MNT: variants seen among roughly 807,000 people sequenced by gnomAD.
MNT encodes max-binding protein MNT.
MNT carries 13 observed loss-of-function variants against 40.7 expected under a neutral mutation model. The ratio of observed to expected loss-of-function variants is 0.32; its 90% CI spans 0.21 to 0.51. The LOEUF (loss-of-function observed/expected upper bound fraction) is 0.51, where lower values mean the gene tolerates loss of function less well. Ranked by LOEUF, MNT falls within the 20% of genes least tolerant of loss-of-function variation. The pLI, the probability that MNT is intolerant of heterozygous loss-of-function variation, is 0.98. For synonymous variants in MNT, 426 were observed against 354.8 expected, an observed-to-expected ratio of 1.20 and a Z score of -2.26; for missense variants, 757 against 792.0, an observed-to-expected ratio of 0.96 and a Z score of 0.53.
At chr17:2,397,839 T>A (rs890476906) in intron 1 of MNT, among the ~76,000 whole-genome samples, 22 of 152,116 alleles carry the variant, frequency 1.4e-4, no homozygotes, top group African/African-American at 5.3e-4. Context: ...CTTAGGCTCT[T>A]TAAAAGAATG....
In MNT at chr17:2,387,466, T is replaced by C; in HGVS notation, c.1184A>G (p.His395Arg). 6.2e-7 allele frequency: 1 copy of C among 1,603,164 alleles called. No individual in the cohort carries two copies. The highest frequency in any genetic ancestry group is 8.5e-7 in the Non-Finnish European group (1 of 1,176,002). Residue 395 changes from histidine to arginine, a missense_variant, in exon 6 of 6, where the codon CAC becomes CGC. This residue lies in a region of MNT where 345 missense variants were observed against 380.1 expected (regional missense o/e 0.91). Transcript: ENST00000174618. Reference protein sequence around the residue: ...HPHSVALPPAHLPVQQQQPQQ... With the variant: ...HPHSVALPPARLPVQQQQPQQ... ...TGGCTGCTGCTGCTGCACGGGGAGG[T>C]GGGCAGGAGGTAGGGCCACGGAGTG... is the stretch of plus-strand genomic sequence containing the variant.
In MNT at chr17:2,395,334, A is replaced by C. The variant is rs2151671168; in HGVS notation, c.194T>G (p.Leu65Arg). 6.2e-7 allele frequency: 1 copy of C among 1,611,376 alleles called. No individual in the cohort carries two copies. The highest frequency in any genetic ancestry group is 8.5e-7 in the Non-Finnish European group (1 of 1,179,208). The stretch of plus-strand genomic sequence containing the variant: ...CGGGGGAGCCGGTGGAGACAGAGGC[A>C]GGGGTGGCGCCTCCATGCGGGGTTC... ...VEEPRMEAPP[L>R]PLSPPAPPPA... The change falls in exon 2 of 6, where the codon CTG (leucine) becomes CGG (arginine). Residue 65 changes from leucine to arginine, a missense_variant. By Grantham distance (102) the Leu-to-Arg change is moderately radical. Around this residue, in one of 4 missense-constraint regions of MNT, gnomAD observed 335 missense variants for 291.4 expected, o/e 1.15. Coordinates refer to ENST00000174618, the MANE Select transcript of MNT (RefSeq NM_020310.3).
Position 2,394,925 on chromosome 17 carries a change from C to T in MNT, c.603G>A (p.Leu201=), listed in dbSNP as rs2066562746. ...PPPPTLGTLK[L]APAEEVKSSE... ...TGGATTTGACTTCTTCAGCTGGTGCCAACTTCAGGGTCCCCAGCGTGGGTG... is the reference window on the plus strand; with the variant it reads ...TGGATTTGACTTCTTCAGCTGGTGCTAACTTCAGGGTCCCCAGCGTGGGTG... Residue 201 remains leucine (L), a synonymous_variant, in exon 2 of 6, where the codon TTG becomes TTA. Coordinates refer to ENST00000174618, the MANE Select transcript of MNT (RefSeq NM_020310.3). 1.9e-6 allele frequency: 3 copies of T among 1,606,988 alleles called. No individual in the cohort carries two copies. The highest frequency in any genetic ancestry group is 1.7e-6 in the Non-Finnish European group (2 of 1,177,238).
Position 2,394,307 on chromosome 17 carries a change from GTTC to G in MNT, c.690_692del (p.Lys230del), listed in dbSNP as rs2066557749. 2.1e-6 allele frequency: 3 copies of G among 1,401,518 alleles called. No homozygotes were observed. The highest frequency in any genetic ancestry group is 2.5e-5 in the East Asian group (1 of 39,346). The allele number at this position is 1,401,518 out of a possible 1,614,324, so 86.8% of individuals were successfully genotyped here. A position where few individuals can be genotyped will look rare whatever the true frequency, so the allele number is the denominator to read the frequency against. On this transcript the variant is annotated inframe_deletion, in exon 3 of 6. Transcript: ENST00000174618. ...CACACACACACACACACACACACCT[GTTC>G]TTCTCCAATTTGTTGTGGACTTCTC...
chr17:2,390,019 A>C (rs2066500284), intron 4 of MNT: 2 of 152,136 alleles, frequency 1.3e-5, no homozygotes, highest in Admixed American at 1.3e-4. Flanking sequence ...CGAGGCTGAA[A>C]GATAGGACTT....
intron 1 of MNT, 38 bp downstream of exon 1, chr17:2,400,602 C>A: frequency 1.3e-6 from 2 of 1,560,416 alleles, no homozygotes; most frequent in Non-Finnish European, 8.6e-7. Context: ...CTCGCTTCCC[C>A]TTCCCCAGTG....
At chr17:2,398,817 C>A (rs1017883197) in intron 1 of MNT, among the ~76,000 whole-genome samples, 2 of 152,202 alleles carry the variant, frequency 1.3e-5, no homozygotes, top group African/African-American at 4.8e-5. Flanking sequence ...CTCTCCACTG[C>A]CAGACCCTGC....
At position 2,401,013 on chromosome 17, in the gene MNT, C is replaced by G. The variant is rs2066611426; in HGVS notation, c.-301G>C. The G allele has an allele frequency of 3.6e-6, 1 of 277,086 alleles. No individual in the cohort carries two copies. Among genetic ancestry groups the G allele is most frequent in the Non-Finnish European group, 6.8e-6 (1 of 147,348 alleles). The allele number at this position is 277,086 out of a possible 1,614,324, so 17.2% of individuals were successfully genotyped here. On this transcript the variant is annotated 5_prime_UTR_variant, in exon 1 of 6. Coordinates refer to ENST00000174618, the MANE Select transcript of MNT (RefSeq NM_020310.3). ...ACCTCCCTTCCGATGCCTCCCGCCC[C>G]GCGGCCCCCGGGAGTCCCGCCGACA...
At position 2,387,016 on chromosome 17, in the gene MNT, G is replaced by A. The variant is rs1437353675; in HGVS notation, c.1634C>T (p.Pro545Leu). The change falls in exon 6 of 6, where the codon CCG becomes CTG. Residue 545 changes from proline (P) to leucine (L), a missense_variant. Physicochemically the swap from Pro to Leu is moderately conservative, Grantham distance 98 (BLOSUM62 -3). This residue lies in a region of MNT where 345 missense variants were observed against 380.1 expected (regional missense o/e 0.91). Coordinates refer to ENST00000174618, the MANE Select transcript of MNT (RefSeq NM_020310.3). Reference sequence around the variant, plus strand: ...GTGCACCACCTGAGCCCCCACGGCCGGCTTTGCCATGACAGTAGCCGGGGG... The same window carrying A: ...GTGCACCACCTGAGCCCCCACGGCCAGCTTTGCCATGACAGTAGCCGGGGG... ...LGPPATVMAK[P>L]AVGAQVVHHP... The A allele has an allele frequency of 2.6e-6, 4 of 1,542,110 alleles. No individual in the cohort carries two copies. The highest frequency in any genetic ancestry group is 3.5e-6 in the Non-Finnish European group (4 of 1,141,752).
chr17:2,400,455 CATTA>C (rs2066607156), intron 1 of MNT, 181 bp downstream of exon 1: 9 of 525,150 alleles, frequency 1.7e-5, no homozygotes, highest in Admixed American at 8.7e-5. Flanking sequence ...TTAATGAATT[CATTA>C]ATTAATTTCA....
At chr17:2,394,404 G>A (rs1597420538) in intron 2 of MNT, 58 bp from the exon 3 acceptor site, 5 of 1,609,342 alleles carry the variant, frequency 3.1e-6, no homozygotes, top group Non-Finnish European at 4.2e-6. Context: ...CGGCCTTCCT[G>A]ACCAGCGCCG....
intron 4 of MNT, chr17:2,391,664 T>C (rs1421791645): frequency 6.6e-6 from 1 of 152,442 alleles, no homozygotes; most frequent in African/African-American, 2.4e-5. Flanking sequence ...CTCCGTATTC[T>C]GGCTGGGGAC....
At chr17:2,395,522 C>T in intron 1 of MNT, 68 bp from the exon 2 acceptor site, 2 of 1,595,408 alleles carry the variant, frequency 1.3e-6, no homozygotes, top group Non-Finnish European at 1.7e-6. Context: ...CTAACTCGTC[C>T]TCTGACCCTA....
At chr17:2,387,732 G>T in intron 5 of MNT, 83 bp from the exon 6 acceptor site, 1 of 1,572,826 alleles carries the variant, frequency 6.4e-7, no homozygotes, top group Non-Finnish European at 8.6e-7. Context: ...GGGGGCGTGG[G>T]AATGTGATGG....
rs2066449118 is a variant in MNT, at chr17:2,385,335, T to TCG, written c.*1564_*1565dup. On this transcript the variant is annotated 3_prime_UTR_variant, in exon 6 of 6. Coordinates refer to ENST00000174618, the MANE Select transcript of MNT (RefSeq NM_020310.3). ...GCTCTGTCCCCTCCCCCCGGCCCCC[T>TCG]CGCCGGCCCAGGCCCCTGCCCCAGC... 7.3e-6 allele frequency: 1 copy of TCG among 137,682 alleles called. No homozygotes were observed. Among genetic ancestry groups the TCG allele is most frequent in the South Asian group, 2.6e-4 (1 of 3,880 alleles). 8.5% of individuals were successfully genotyped at this position (137,682 alleles called of 1,614,324 possible).
rs1259428038 is a variant in MNT, at chr17:2,394,460, A to C, written c.654-114T>G. ...GGCTGTTTGTCCCCAACACTGTCTTAAAGCAGACTGGGAGACGTTCGCCCT... is the reference window on the plus strand; with the variant it reads ...GGCTGTTTGTCCCCAACACTGTCTTCAAGCAGACTGGGAGACGTTCGCCCT... On this transcript the variant is annotated intron_variant, in intron 2 of 5. Coordinates refer to ENST00000174618, the MANE Select transcript of MNT (RefSeq NM_020310.3). The C allele has an allele frequency of 3.2e-5, 48 of 1,488,832 alleles. No homozygotes were observed. In the East Asian group the frequency reaches 1.1e-3, roughly 34 times the overall value. The allele number at this position is 1,488,832 out of a possible 1,614,324, so 92.2% of individuals were successfully genotyped here.
intron 4 of MNT, among the ~76,000 whole-genome samples, chr17:2,389,085 C>A (rs987366178): frequency 6.6e-6 from 1 of 151,936 alleles, no homozygotes; most frequent in Admixed American, 6.6e-5. Context: ...CTCCCTTTAC[C>A]CCCTAGATCT....
intron 1 of MNT, chr17:2,396,673 C>T (rs1251944628): frequency 1.3e-4 from 20 of 152,434 alleles, no homozygotes; most frequent in Admixed American, 1.3e-3. Context: ...CTTGCCTCGT[C>T]CTCTCCCAGG....
At chr17:2,392,388 C>T (rs1316712384) in intron 4 of MNT, among the ~76,000 whole-genome samples, 2 of 152,242 alleles carry the variant, frequency 1.3e-5, no homozygotes, top group Non-Finnish European at 2.9e-5. Flanking sequence ...GAGCTTCCTT[C>T]TGCGGCTGCT....
Sources: gnomAD v4.1 joint callset for allele counts (sites outside exome capture counted in the v4.1 genomes callset) on GRCh38, gnomAD v4.1.1 for gene constraint, gnomAD v4.1.1 regional missense constraint, MANE v1.5 for transcripts, NCBI Gene and HGNC (gene_info 2026-07-23, HGNC 2026-07-21) for gene names.